The following EDN1 variants were observed in gnomAD, a reference collection of about 807,000 sequenced individuals.
EDN1 encodes the protein endothelin-1.
A neutral mutation model predicts 21.7 loss-of-function variants in EDN1; 11 were observed. The observed-to-expected ratio is 0.51, with a 90% confidence interval of 0.32 to 0.84. EDN1 has a LOEUF of 0.84. Ranked by LOEUF, EDN1 falls within the 40% of genes least tolerant of loss-of-function variation. EDN1 has a pLI of 0.03. For missense variants in EDN1, 244 were observed against 262.3 expected (o/e 0.93, Z 0.48); for synonymous variants, 85 against 90.6 (o/e 0.94, Z 0.35).
chr6:12,285,355 C>T, the EDN1 span, among the ~76,000 whole-genome samples: 47 of 152,074 alleles, frequency 3.1e-4, no homozygotes, highest in African/African-American at 9.9e-4. Flanking sequence ...TTCTGGATGC[C>T]GGAACATCTG....
At position 12,290,364 on chromosome 6, in the gene EDN1, C is replaced by CAGAG. The variant is rs1762639361; in HGVS notation, c.-266_-265insAGAG. On this transcript the variant is annotated 5_prime_UTR_variant, in exon 1 of 5. Transcript: ENST00000379375. ...CCGGCAGAGAGCTGTCCAAGTCAGA[C>CAGAG]GCGCCTCTGCATCTGCGCCAGGCGA... 2 of 527,148 alleles carry CAGAG rather than the reference C, an allele frequency of 3.8e-6. No individual in the cohort carries two copies. The highest frequency in any genetic ancestry group is 3.8e-5 in the African/African-American group (2 of 52,244). 32.7% of individuals were successfully genotyped at this position (527,148 alleles called of 1,614,324 possible). A position where few individuals can be genotyped will look rare whatever the true frequency, so the allele number is the denominator to read the frequency against.
intron 1 of EDN1, among the ~76,000 whole-genome samples, chr6:12,291,443 C>G (rs894967639): frequency 6.6e-6 from 1 of 152,174 alleles, no homozygotes; most frequent in African/African-American, 2.4e-5. Context: ...CGGGTCCCCC[C>G]CGTTTTTAGG....
chr6:12,295,829 G>T, intron 4 of EDN1, 133 bp from the exon 5 acceptor site: 1 of 761,690 alleles, frequency 1.3e-6, no homozygotes, highest in Admixed American at 2.2e-5. Flanking sequence ...TTATCAAAGA[G>T]TTGCGGCGGG....
At chr6:12,243,776 G>C in the EDN1 span, among the ~76,000 whole-genome samples, 3 of 152,178 alleles carry the variant, frequency 2.0e-5, no homozygotes, top group African/African-American at 7.2e-5. Flanking sequence ...TCATGTGGAT[G>C]AGTAAACTGT....
At chr6:12,251,765 C>G in the EDN1 span, among the ~76,000 whole-genome samples, 1 of 152,174 alleles carries the variant, frequency 6.6e-6, no homozygotes, top group Non-Finnish European at 1.5e-5. Flanking sequence ...AACTCCTCCC[C>G]AAATTTGCAC....
chr6:12,273,432 G>T, the EDN1 span, among the ~76,000 whole-genome samples: 5 of 152,044 alleles, frequency 3.3e-5, no homozygotes, highest in African/African-American at 1.2e-4. Context: ...ATTTTAATAA[G>T]GCAATGAATG....
chr6:12,290,839 C>T (rs2747709), intron 1 of EDN1, 146 bp downstream of exon 1: 2 of 756,002 alleles, frequency 2.6e-6, no homozygotes, highest in Admixed American at 4.1e-5. Context: ...TTGCTGAAAG[C>T]TACTTTAAGT....
chr6:12,237,017 A>C, the EDN1 span, among the ~76,000 whole-genome samples: 1 of 121,834 alleles, frequency 8.2e-6, no homozygotes, highest in Non-Finnish European at 1.6e-5. Flanking sequence ...GATGTTCCCC[A>C]CCCTGTGTCC....
the EDN1 span, among the ~76,000 whole-genome samples, chr6:12,285,165 C>T: frequency 6.6e-6 from 1 of 151,994 alleles, no homozygotes; most frequent in Non-Finnish European, 1.5e-5. Flanking sequence ...ATTATTTTCT[C>T]TTAGTCTAAT....
chr6:12,278,175 A>G, the EDN1 span, among the ~76,000 whole-genome samples: 2 of 152,230 alleles, frequency 1.3e-5, no homozygotes, highest in Non-Finnish European at 2.9e-5. Flanking sequence ...GAAGAGAAGC[A>G]GAAAACCCCA....
the EDN1 span, among the ~76,000 whole-genome samples, chr6:12,281,449 A>T: frequency 6.6e-6 from 1 of 152,212 alleles, no homozygotes; most frequent in African/African-American, 2.4e-5. Context: ...GCCTCAATGA[A>T]ACACTTTCCT....
At chr6:12,294,238 T>C in intron 3 of EDN1, 23 bp from the exon 4 acceptor site, 1 of 1,614,088 alleles carries the variant, frequency 6.2e-7, no homozygotes, top group Non-Finnish European at 8.5e-7. Context: ...TGCTGAAATG[T>C]TTTTCCTTGT....
At chr6:12,252,579 C>A in the EDN1 span, among the ~76,000 whole-genome samples, 2 of 152,280 alleles carry the variant, frequency 1.3e-5, no homozygotes, top group Admixed American at 6.5e-5. Context: ...TGCATGTTCA[C>A]GTTGGCTCTC....
chr6:12,292,756 G>C (rs10478713), intron 2 of EDN1, among the ~76,000 whole-genome samples: 1 of 152,132 alleles, frequency 6.6e-6, no homozygotes, highest in African/African-American at 2.4e-5. Context: ...GGAGGCCACT[G>C]CACGTTTCAA....
chr6:12,295,851 C>A, intron 4 of EDN1, 111 bp from the exon 5 acceptor site: 2 of 1,071,300 alleles, frequency 1.9e-6, no homozygotes, highest in Non-Finnish European at 1.4e-6. Flanking sequence ...GGTGAAAGTT[C>A]ACAACCAGAT....
the EDN1 span, among the ~76,000 whole-genome samples, chr6:12,270,339 G>C: frequency 6.6e-6 from 1 of 151,452 alleles, no homozygotes; most frequent in African/African-American, 2.4e-5. Context: ...GTTTGTTCTT[G>C]TTTTTCTAGT....
chr6:12,282,819 T>C, the EDN1 span, among the ~76,000 whole-genome samples: 2 of 152,248 alleles, frequency 1.3e-5, no homozygotes, highest in African/African-American at 4.8e-5. Context: ...CACAATGTCA[T>C]TACTCTTCAT....
At chr6:12,237,237 T>C in the EDN1 span, among the ~76,000 whole-genome samples, 12 of 152,122 alleles carry the variant, frequency 7.9e-5, no homozygotes, top group Non-Finnish European at 1.8e-4. Flanking sequence ...TTGATGGACA[T>C]TGGGGTTGGT....
chr6:12,255,432 T>G, the EDN1 span, among the ~76,000 whole-genome samples: 1 of 152,356 alleles, frequency 6.6e-6, no homozygotes, highest in East Asian at 1.9e-4. Flanking sequence ...TGGCATTTAT[T>G]CAAATTGTCA....
Sources: allele counts gnomAD v4.1 joint callset (sites outside exome capture counted in the v4.1 genomes callset), GRCh38; gene constraint gnomAD v4.1.1; transcripts MANE v1.5; gene names NCBI Gene and HGNC (gene_info 2026-07-23, HGNC 2026-07-21).